The following ZNF831 variants were observed in gnomAD, a reference collection of about 807,000 sequenced individuals.
ZNF831 encodes the protein chromosome 20 open reading frame 174.
Under a neutral mutation model 95.8 loss-of-function variants are expected in ZNF831, and 59 were observed. The observed-to-expected ratio is 0.62, with a 90% CI of 0.50 to 0.77. ZNF831 has a LOEUF of 0.77. Among genes scored for constraint, ZNF831 ranks in the 30% least tolerant of loss-of-function variants. The probability of loss-of-function intolerance (pLI) is 0.00; values close to 1 mark genes in which losing one functional copy is unlikely to be tolerated. For synonymous variants in ZNF831, 961 were observed against 925.5 expected, an observed-to-expected ratio of 1.04 and a Z score of -0.70; for missense variants, 2,205 against 2,164.0, an observed-to-expected ratio of 1.02 and a Z score of -0.38.
intron 4 of ZNF831, among the ~76,000 whole-genome samples, chr20:59,220,527 T>C (rs1986009414): frequency 6.6e-6 from 1 of 152,144 alleles, no homozygotes; most frequent in South Asian, 2.1e-4. Context: ...GGAAGGTGAT[T>C]CTCCTCTCAA....
In ZNF831 at chr20:59,193,235, G is replaced by C. The variant is rs868485625; in HGVS notation, c.2216G>C (p.Ser739Thr). 6.2e-7 allele frequency: 1 copy of C among 1,600,540 alleles called. No homozygotes were observed. Among genetic ancestry groups the C allele is most frequent in the African/African-American group, 1.3e-5 (1 of 74,662 alleles). Residue 739 changes from serine (S) to threonine (T), a missense_variant, in exon 2 of 6, where the codon AGT becomes ACT. Transcript: ENST00000371030. ...VSSPALGGRD[S>T]PCSGSRSPLV... Reference sequence around the variant, plus strand: ...TCCCCTGCACTGGGTGGCAGAGACAGTCCCTGTTCAGGCAGTAGGAGCCCC... The same window carrying C: ...TCCCCTGCACTGGGTGGCAGAGACACTCCCTGTTCAGGCAGTAGGAGCCCC...
rs1568805928 is a variant in ZNF831 at position 59,258,368 on chromosome 20, C to A, written c.*3625C>A. On this transcript the variant is annotated 3_prime_UTR_variant, in exon 6 of 6. Coordinates refer to ENST00000371030, the MANE Select transcript of ZNF831 (RefSeq NM_178457.3). ...ATGAAAGATAAACAATTTGCAGTCT[C>A]ATGCCAAAAAGTATTTCCTTGCATT... 6.6e-6 allele frequency: 1 copy of A among 152,654 alleles called. No homozygotes were observed. The highest frequency in any genetic ancestry group is 1.5e-5 in the Non-Finnish European group (1 of 68,050). The allele number at this position is 152,654 out of a possible 1,614,324, so 9.5% of individuals were successfully genotyped here. A position where few individuals can be genotyped will look rare whatever the true frequency, so the allele number is the denominator to read the frequency against.
At chr20:59,245,178 CCT>C (rs1308806190) in intron 4 of ZNF831, among the ~76,000 whole-genome samples, 1 of 152,226 alleles carries the variant, frequency 6.6e-6, no homozygotes, top group African/African-American at 2.4e-5. Context: ...CACCAAGCGG[CCT>C]CTCATTCAAA....
intron 4 of ZNF831, among the ~76,000 whole-genome samples, chr20:59,252,644 C>T (rs1987952174): frequency 6.6e-6 from 1 of 152,016 alleles, no homozygotes; most frequent in African/African-American, 2.4e-5. Flanking sequence ...AGAATTCAAG[C>T]TGATCTAAAA....
At chr20:59,182,397 C>T (rs765166673) in intron 1 of ZNF831, among the ~76,000 whole-genome samples, 2 of 152,182 alleles carry the variant, frequency 1.3e-5, no homozygotes, top group Admixed American at 6.5e-5. Context: ...TCGTTATCCA[C>T]ATTTTACAAA....
intron 4 of ZNF831, among the ~76,000 whole-genome samples, chr20:59,207,730 CTTGATTGT>C (rs1245238292): frequency 6.6e-6 from 1 of 152,140 alleles, no homozygotes; most frequent in Non-Finnish European, 1.5e-5. Flanking sequence ...CTTAGCCTTG[CTTGATTGT>C]TGATTGGGAA....
intron 2 of ZNF831, among the ~76,000 whole-genome samples, chr20:59,151,496 G>A: frequency 6.6e-6 from 1 of 152,158 alleles, no homozygotes; most frequent in East Asian, 1.9e-4. Flanking sequence ...GGCTCTTGTT[G>A]CCCTGACTTG....
intron 1 of ZNF831, among the ~76,000 whole-genome samples, chr20:59,142,150 T>G (rs1307694978): frequency 6.6e-6 from 1 of 152,068 alleles, no homozygotes; most frequent in East Asian, 1.9e-4. Context: ...AGATCCTCCC[T>G]CAACACAGTT....
chr20:59,156,300 C>T lies in ZNF831; in HGVS notation c.-1280-3352C>T, dbSNP rs115223764. On this transcript the variant is annotated intron_variant, in intron 2 of 7. Coordinates refer to the ZNF831 transcript ENST00000637017. ...GTAATCCCAGGGAGGCTGAGGCGAG[C>T]GGATCACCTGAGGTCAGGAGTCTGA... Among the ~76,000 whole-genome samples the T allele has an allele frequency of 4.9e-3, 741 of 152,200 alleles. 8 individuals carry two copies. The highest frequency in any genetic ancestry group is 0.017 in the African/African-American group (701 of 41,544).
At chr20:59,181,810 C>A in intron 1 of ZNF831, among the ~76,000 whole-genome samples, 1 of 151,152 alleles carries the variant, frequency 6.6e-6, no homozygotes. Context: ...AAGAAAGTCA[C>A]TGGTAGCTTG....
intron 2 of ZNF831, among the ~76,000 whole-genome samples, chr20:59,150,886 C>T (rs1420040994): frequency 4.6e-5 from 7 of 152,174 alleles, no homozygotes; most frequent in African/African-American, 1.7e-4. Flanking sequence ...GCGGGCCGTG[C>T]CAGCTTCAGA....
intron 4 of ZNF831, among the ~76,000 whole-genome samples, chr20:59,213,307 C>A (rs922173553): frequency 6.6e-6 from 1 of 152,090 alleles, no homozygotes; most frequent in Non-Finnish European, 1.5e-5. Context: ...TTTATTTTAT[C>A]GTTGTGGGCA....
chr20:59,239,693 C>T (rs775392749), intron 4 of ZNF831, among the ~76,000 whole-genome samples: 13 of 152,036 alleles, frequency 8.6e-5, no homozygotes, highest in African/African-American at 1.4e-4. Flanking sequence ...TACAGGCGCG[C>T]GCCACCACGC....
chr20:59,146,346 CCA>C (rs1979861168), exon 2 of ZNF831: 1 of 152,224 alleles, frequency 6.6e-6, no homozygotes, highest in Non-Finnish European at 1.5e-5. Flanking sequence ...GCGGCAGCCC[CCA>C]CCTGCCTGTG....
chr20:59,192,854 T>C lies in ZNF831; in HGVS notation c.1835T>C (p.Leu612Pro), dbSNP rs1050595273. Residue 612 changes from leucine (L) to proline (P), a missense_variant, in exon 2 of 6, where the codon CTG becomes CCG. Transcript: ENST00000371030. The surrounding 1 kb of genome is among the most constrained non-coding windows in gnomAD (Gnocchi z 5.2). ...GGCAGGAAGTGCGGCCAGAGAAGGCTGAAGATGTTCTCCCAGGAGAAGTGG... is the reference window on the plus strand; with the variant it reads ...GGCAGGAAGTGCGGCCAGAGAAGGCCGAAGATGTTCTCCCAGGAGAAGTGG... ...AGGRKCGQRRLKMFSQEKWQV... is the reference protein window; with the variant it reads ...AGGRKCGQRRPKMFSQEKWQV... 3.1e-6 allele frequency: 5 copies of C among 1,603,326 alleles called. No homozygotes were observed. The highest frequency in any genetic ancestry group is 2.2e-5 in the South Asian group (2 of 89,348).
At chr20:59,154,081 A>G (rs1980398200) in intron 2 of ZNF831, among the ~76,000 whole-genome samples, 1 of 152,186 alleles carries the variant, frequency 6.6e-6, no homozygotes, top group East Asian at 1.9e-4. Context: ...ACTTTTGAAG[A>G]TCTTAGAGTC....
At chr20:59,162,837 A>C (rs975057325), upstream of ZNF831, among the ~76,000 whole-genome samples, 1 of 152,180 alleles carries the variant, frequency 6.6e-6, no homozygotes, top group African/African-American at 2.4e-5. Flanking sequence ...GAAAAATGAC[A>C]TTGGTAATTT....
intron 1 of ZNF831, among the ~76,000 whole-genome samples, chr20:59,143,704 G>T (rs998130808): frequency 2.0e-5 from 3 of 152,220 alleles, no homozygotes; most frequent in Non-Finnish European, 4.4e-5. Context: ...CTTAAAGGCT[G>T]GATGGTTGGC....
At chr20:59,211,659 A>G (rs1315082351) in intron 4 of ZNF831, among the ~76,000 whole-genome samples, 3 of 152,172 alleles carry the variant, frequency 2.0e-5, no homozygotes, top group Non-Finnish European at 4.4e-5. Context: ...TGTCACTTCA[A>G]AGGAACCCAG....
Sources: allele counts gnomAD v4.1 joint callset (sites outside exome capture counted in the v4.1 genomes callset), GRCh38; gene constraint gnomAD v4.1.1; non-coding constraint Gnocchi (gnomAD v3.1); transcripts MANE v1.5; gene names NCBI Gene and HGNC (gene_info 2026-07-23, HGNC 2026-07-21).